Variants in RNF145 observed in about 807,000 individuals in gnomAD.
RNF145 encodes the protein ring finger protein 145.
In RNF145, 12 loss-of-function variants were observed where a neutral mutation model predicts 57.3. The observed-to-expected ratio is 0.21, with a 90% confidence interval of 0.13 to 0.34. The LOEUF is 0.34. RNF145 is among the 10% of genes least tolerant of loss of function. The probability of loss-of-function intolerance (pLI) is 1.00; values close to 1 mark genes in which losing one functional copy is unlikely to be tolerated. For missense variants in RNF145, 429 were observed against 799.0 expected (o/e 0.54, Z 5.58); for synonymous variants, 262 against 288.3 (o/e 0.91, Z 0.92).
upstream of RNF145, chr5:159,209,715 A>G (rs1339053186): frequency 2.8e-6 from 3 of 1,089,682 alleles, no homozygotes; most frequent in South Asian, 1.5e-5. Context: ...AGCCAAGCCC[A>G]TACAGCCCGG....
At chr5:159,169,177 C>T (rs1235269553) in intron 7 of RNF145, 122 bp from the exon 8 acceptor site, 3 of 762,868 alleles carry the variant, frequency 3.9e-6, no homozygotes, top group Non-Finnish European at 6.0e-6. Context: ...CTGACTTAAT[C>T]CAGACTAAAA....
intron 3 of RNF145, 87 bp downstream of exon 3, chr5:159,194,629 C>A: frequency 1.2e-6 from 1 of 861,372 alleles, no homozygotes; most frequent in Non-Finnish European, 1.9e-6. Context: ...CTTAGCTTTA[C>A]TTAACAGTGT....
chr5:159,203,456 C>T lies in RNF145; in HGVS notation c.162G>A (p.Leu54=). 1.9e-6 allele frequency: 3 copies of T among 1,613,210 alleles called. No individual in the cohort carries two copies. Among genetic ancestry groups the T allele is most frequent in the Non-Finnish European group, 2.5e-6 (3 of 1,179,324 alleles). ...CACCTACATAATGCATATTAAGAGCCAAATACTTATACTGGAAAAGAGGGT... is the reference window on the plus strand; with the variant it reads ...CACCTACATAATGCATATTAAGAGCTAAATACTTATACTGGAAAAGAGGGT... ...SNNPLFQYKY[L]ALNMHYVGYI... is the part of the protein sequence containing the mutation. The change falls in exon 2 of 11, where the codon TTG becomes TTA. Residue 54 remains leucine (L), a synonymous_variant. Transcript: ENST00000424310.
chr5:159,200,241 T>C (rs756500575), intron 2 of RNF145, among the ~76,000 whole-genome samples: 1 of 151,846 alleles, frequency 6.6e-6, no homozygotes, highest in East Asian at 1.9e-4. Context: ...TAAATTCACA[T>C]AGAAAACTAA....
intron 4 of RNF145, among the ~76,000 whole-genome samples, chr5:159,180,063 CCT>C (rs909987321): frequency 3.3e-5 from 5 of 151,904 alleles, no homozygotes; most frequent in African/African-American, 1.2e-4. Flanking sequence ...AGCACTTCTC[CCT>C]CTCTCTCTGA....
intron 3 of RNF145, among the ~76,000 whole-genome samples, chr5:159,187,985 T>C (rs1385520762): frequency 2.6e-5 from 4 of 152,198 alleles, no homozygotes; most frequent in African/African-American, 9.6e-5. Flanking sequence ...GAAAACAGTA[T>C]TACTTCCTTC....
chr5:159,196,246 T>G (rs981433699), intron 2 of RNF145, among the ~76,000 whole-genome samples: 6 of 127,238 alleles, frequency 4.7e-5, no homozygotes, highest in Non-Finnish European at 1.7e-5. Context: ...TTTTTTTTTT[T>G]GCAATTTTAA....
chr5:159,189,699 T>A (rs1305377218), intron 3 of RNF145, among the ~76,000 whole-genome samples: 1 of 152,162 alleles, frequency 6.6e-6, no homozygotes, highest in Non-Finnish European at 1.5e-5. Flanking sequence ...CAAGCGTCCA[T>A]CAAAAGATAA....
At chr5:159,202,730 T>C (rs1461760227) in intron 2 of RNF145, among the ~76,000 whole-genome samples, 1 of 152,196 alleles carries the variant, frequency 6.6e-6, no homozygotes, top group Admixed American at 6.5e-5. Flanking sequence ...TAATAAAATA[T>C]ATTGCTATAT....
intron 1 of RNF145, chr5:159,207,988 TA>T: frequency 1.9e-6 from 3 of 1,558,842 alleles, no homozygotes; most frequent in Non-Finnish European, 2.6e-6. Context: ...CTCCGTATTT[TA>T]AAAAATAAAA....
intron 6 of RNF145, among the ~76,000 whole-genome samples, chr5:159,172,060 A>C (rs1784577415): frequency 6.6e-6 from 1 of 152,236 alleles, no homozygotes; most frequent in Non-Finnish European, 1.5e-5. Flanking sequence ...ACTATGCTAT[A>C]CCTCATCTTA....
At chr5:159,171,565 A>G (rs1036636112) in intron 6 of RNF145, among the ~76,000 whole-genome samples, 2 of 152,168 alleles carry the variant, frequency 1.3e-5, no homozygotes, top group East Asian at 1.9e-4. Context: ...GAAAATTTAT[A>G]AAGTTTTTCT....
intron 3 of RNF145, among the ~76,000 whole-genome samples, chr5:159,183,730 GTCATAGCATATCTC>G (rs1198043154): frequency 2.0e-5 from 3 of 152,018 alleles, no homozygotes. Context: ...TTTCTTTTTG[GTCATAGCATATCTC>G]TCTCCAATGG....
intron 3 of RNF145, among the ~76,000 whole-genome samples, chr5:159,192,871 C>T (rs1252005432): frequency 6.6e-6 from 1 of 152,226 alleles, no homozygotes; most frequent in Non-Finnish European, 1.5e-5. Context: ...AGAACAGTTA[C>T]TCCAGAGCTC....
chr5:159,200,167 T>A (rs895341825), intron 2 of RNF145, among the ~76,000 whole-genome samples: 21 of 151,870 alleles, frequency 1.4e-4, no homozygotes, highest in Non-Finnish European at 2.4e-4. Flanking sequence ...ATCTAAATTT[T>A]AAAAAAAATC....
At chr5:159,201,517 G>T (rs764640855) in intron 2 of RNF145, among the ~76,000 whole-genome samples, 8 of 152,086 alleles carry the variant, frequency 5.3e-5, no homozygotes, top group Non-Finnish European at 1.0e-4. Flanking sequence ...AATGCAATCG[G>T]GAAGAGGAGA....
intron 8 of RNF145, among the ~76,000 whole-genome samples, chr5:159,168,033 GA>G (rs529764378): frequency 1.1e-4 from 17 of 151,496 alleles, no homozygotes; most frequent in Non-Finnish European, 1.8e-4. Flanking sequence ...TAGAGAACTA[GA>G]AAAAAAACAG....
At chr5:159,207,944 T>C (rs764604654) in intron 1 of RNF145, 11 of 1,604,908 alleles carry the variant, frequency 6.9e-6, no homozygotes, top group East Asian at 4.5e-5. Context: ...GCTCATTCTT[T>C]TGGGCATGAT....
intron 3 of RNF145, among the ~76,000 whole-genome samples, chr5:159,188,908 T>C (rs1785182234): frequency 6.6e-6 from 1 of 152,194 alleles, no homozygotes; most frequent in African/African-American, 2.4e-5. Flanking sequence ...CAAATGTCTT[T>C]TTCTATAAGC....
Sources: allele counts gnomAD v4.1 joint callset (sites outside exome capture counted in the v4.1 genomes callset), GRCh38; gene constraint gnomAD v4.1.1; transcripts MANE v1.5; gene names NCBI Gene and HGNC (gene_info 2026-07-23, HGNC 2026-07-21).